The following CUL1 variants were observed in gnomAD, a reference collection of about 807,000 sequenced individuals.
The protein encoded by CUL1 is cullin 1, also known as cullin-1.
In CUL1, 24 loss-of-function variants were observed where a neutral mutation model predicts 118.0. That is an observed-to-expected ratio of 0.20 (90% confidence interval 0.15 to 0.29). CUL1 has a LOEUF of 0.29. CUL1 is among the 10% of genes least tolerant of loss of function. The probability of loss-of-function intolerance (pLI) is 1.00; values close to 1 mark genes in which losing one functional copy is unlikely to be tolerated. For synonymous variants in CUL1, 332 were observed against 340.4 expected (o/e 0.98, Z 0.27); for missense variants, 361 against 933.8 (o/e 0.39, Z 7.99).
intron 1 of CUL1, among the ~76,000 whole-genome samples, chr7:148,728,592 G>C (rs1446382882): frequency 6.6e-6 from 1 of 152,192 alleles, no homozygotes; most frequent in South Asian, 2.1e-4. Flanking sequence ...TGAGTTGTTA[G>C]TTTCTTAAAA....
At chr7:148,780,030 A>G (rs1044260208) in intron 9 of CUL1, among the ~76,000 whole-genome samples, 3 of 152,204 alleles carry the variant, frequency 2.0e-5, no homozygotes, top group Non-Finnish European at 4.4e-5. Flanking sequence ...TGGGACTTAG[A>G]CTGGCTCTCC....
At chr7:148,791,641 G>T (rs144216704) in intron 16 of CUL1, among the ~76,000 whole-genome samples, 71 of 152,334 alleles carry the variant, frequency 4.7e-4, no homozygotes, top group African/African-American at 1.6e-3. Context: ...TCGTTCCCTT[G>T]TATCTCTGTT....
intron 7 of CUL1, among the ~76,000 whole-genome samples, chr7:148,760,941 A>G (rs1006393939): frequency 2.6e-5 from 4 of 152,234 alleles, no homozygotes. Flanking sequence ...TTTAAATTCT[A>G]ATATGAGAGG....
At chr7:148,779,289 C>T (rs1800528296) in intron 9 of CUL1, among the ~76,000 whole-genome samples, 1 of 152,116 alleles carries the variant, frequency 6.6e-6, no homozygotes, top group Non-Finnish European at 1.5e-5. Context: ...CTTAGAAGTA[C>T]GGCAGTGGTA....
chr7:148,719,345 A>G (rs1281417065), intron 1 of CUL1, among the ~76,000 whole-genome samples: 3 of 152,124 alleles, frequency 2.0e-5, no homozygotes, highest in African/African-American at 7.2e-5. Flanking sequence ...TACTGTCTCT[A>G]GGAAGCCATC....
intron 1 of CUL1, among the ~76,000 whole-genome samples, chr7:148,724,367 C>A (rs1316275912): frequency 6.6e-6 from 1 of 152,112 alleles, no homozygotes; most frequent in Non-Finnish European, 1.5e-5. Flanking sequence ...TCTGTTAGAC[C>A]TGTTTATTTT....
At chr7:148,714,450 C>A (rs1319168101) in intron 1 of CUL1, among the ~76,000 whole-genome samples, 1 of 152,224 alleles carries the variant, frequency 6.6e-6, no homozygotes, top group Non-Finnish European at 1.5e-5. Context: ...TTCCTCCTAT[C>A]TAACTGAGAC....
chr7:148,699,061 A>AGGTGGC (rs1165640153), intron 1 of CUL1, 32 bp downstream of exon 1: 2 of 150,780 alleles, frequency 1.3e-5, no homozygotes, highest in Admixed American at 6.7e-5. Context: ...GGCCGAGAGG[A>AGGTGGC]GGTGGCGGCG....
intron 1 of CUL1, among the ~76,000 whole-genome samples, chr7:148,708,255 C>T (rs148437140): frequency 6.6e-6 from 1 of 152,318 alleles, no homozygotes; most frequent in East Asian, 1.9e-4. Flanking sequence ...ACTAACCTGG[C>T]CTTTCTTCCA....
In CUL1 at chr7:148,759,297, T is replaced by C. The variant is rs776608386; in HGVS notation, c.484-7T>C. ...AGTATAGACATTTTGTACTTTTTTT[T>C]CTCCAGCTTGCATTGGTGACTTGGA... On this transcript the variant is annotated splice_region_variant and splice_polypyrimidine_tract_variant and intron_variant, in intron 4 of 21. Coordinates refer to ENST00000325222, the MANE Select transcript of CUL1 (RefSeq NM_003592.3). 10 of 1,613,706 alleles carry C rather than the reference T, an allele frequency of 6.2e-6. No individual in the cohort carries two copies. Among genetic ancestry groups the C allele is most frequent in the South Asian group, 5.5e-5 (5 of 91,052 alleles).
rs775318846 is a variant in CUL1 at position 148,800,274 on chromosome 7, AGGAGGGACTC to A, written c.2251-223_2251-214del. ...TGACTCCAGTTCCTAGGGCGGGTGC[AGGAGGGACTC>A]GGAGTCACCCTCAGCAAGTGTCAGG... On this transcript the variant is annotated intron_variant, in intron 21 of 21. Transcript: ENST00000325222. This position sits in a 1 kb window ranked among gnomAD's most constrained non-coding sequence, Gnocchi z 4.6. 2.9e-4 allele frequency among the ~76,000 whole-genome samples: 44 copies of A among 152,320 alleles called. No individual in the cohort carries two copies. Among genetic ancestry groups the A allele is most frequent in the Admixed American group, 4.6e-4 (7 of 15,302 alleles).
At chr7:148,707,559 C>T (rs896367153) in intron 1 of CUL1, among the ~76,000 whole-genome samples, 4 of 151,676 alleles carry the variant, frequency 2.6e-5, no homozygotes, top group African/African-American at 9.7e-5. Flanking sequence ...TAAACGTGTG[C>T]CATGGTGGTT....
intron 9 of CUL1, among the ~76,000 whole-genome samples, chr7:148,775,121 C>T (rs975665453): frequency 9.2e-5 from 14 of 152,174 alleles, no homozygotes; most frequent in Admixed American, 2.0e-4. Context: ...AGTGAACAGA[C>T]GAATGTACTA....
intron 7 of CUL1, among the ~76,000 whole-genome samples, 168 bp downstream of exon 7, chr7:148,760,664 T>TC (rs1202105091): frequency 5.3e-5 from 8 of 152,262 alleles, no homozygotes; most frequent in Admixed American, 2.6e-4. Flanking sequence ...AAGGAGCTTC[T>TC]ATAAATTAAT....
In CUL1 at chr7:148,737,574, T is replaced by A. The variant is rs964847504; in HGVS notation, c.140+7312T>A. ...TGTGTGTGTGTATATATATATATTT[T>A]TATATTTATTTATTTATTTATTTAT... On this transcript the variant is annotated intron_variant, in intron 2 of 21. Transcript: ENST00000325222. Among the ~76,000 whole-genome samples the A allele has an allele frequency of 3.6e-3, 341 of 95,390 alleles. 2 individuals carry two copies. The highest frequency in any genetic ancestry group is 0.017 in the African/African-American group (290 of 16,880). 62.6% of individuals were successfully genotyped at this position (95,390 alleles called of 152,430 possible).
At chr7:148,763,536 C>G (rs1047734798) in intron 7 of CUL1, among the ~76,000 whole-genome samples, 2 of 152,186 alleles carry the variant, frequency 1.3e-5, no homozygotes, top group Non-Finnish European at 2.9e-5. Context: ...TTCTGTTCCT[C>G]AAATTCCTTA....
At chr7:148,798,705 T>G in intron 20 of CUL1, 28 bp downstream of exon 20, 1 of 1,583,510 alleles carries the variant, frequency 6.3e-7, no homozygotes, top group Non-Finnish European at 8.7e-7. Context: ...CTGTGCCAGG[T>G]GTGCTGTCCC....
intron 1 of CUL1, among the ~76,000 whole-genome samples, chr7:148,713,203 A>G (rs1304246300): frequency 6.6e-6 from 1 of 152,218 alleles, no homozygotes; most frequent in East Asian, 1.9e-4. Context: ...GCAAGTACCA[A>G]TCTAGACCAT....
intron 1 of CUL1, among the ~76,000 whole-genome samples, chr7:148,713,754 C>CA (rs200164083): frequency 0.012 from 1,825 of 152,238 alleles, 25 homozygotes; most frequent in African/African-American, 0.042. Context: ...GATGGAGTCT[C>CA]ATTCTGTCGC....
Sources: allele counts gnomAD v4.1 joint callset (sites outside exome capture counted in the v4.1 genomes callset), GRCh38; gene constraint gnomAD v4.1.1; non-coding constraint Gnocchi (gnomAD v3.1); transcripts MANE v1.5; gene names NCBI Gene and HGNC (gene_info 2026-07-23, HGNC 2026-07-21).